Variants in CPQ observed in about 807,000 individuals in gnomAD.
CPQ encodes Ser-Met dipeptidase.
CPQ carries 37 observed loss-of-function variants against 45.7 expected under a neutral mutation model. The ratio of observed to expected loss-of-function variants is 0.81; its 90% CI spans 0.62 to 1.07. The LOEUF (loss-of-function observed/expected upper bound fraction) is 1.07, where lower values mean the gene tolerates loss of function less well. CPQ is among the 50% of genes least tolerant of loss of function. CPQ has a pLI of 0.00. For missense variants in CPQ, 537 were observed against 572.9 expected, an observed-to-expected ratio of 0.94 and a Z score of 0.64; for synonymous variants, 186 against 205.8, an observed-to-expected ratio of 0.90 and a Z score of 0.82.
At chr8:96,914,686 C>T (rs974896026) in intron 4 of CPQ, among the ~76,000 whole-genome samples, 3 of 152,006 alleles carry the variant, frequency 2.0e-5, no homozygotes, top group African/African-American at 7.3e-5. Context: ...GGACTTTGTT[C>T]GGAATTCCAC....
intron 7 of CPQ, among the ~76,000 whole-genome samples, chr8:97,125,867 T>C (rs984133932): frequency 6.6e-6 from 1 of 152,174 alleles, no homozygotes; most frequent in African/African-American, 2.4e-5. Context: ...TACCAACTAG[T>C]ATAATTAGAC....
chr8:96,759,615 T>C (rs1174980408), intron 1 of CPQ, among the ~76,000 whole-genome samples: 1 of 152,176 alleles, frequency 6.6e-6, no homozygotes, highest in East Asian at 1.9e-4. Context: ...TATTTGATAC[T>C]CCCAACAACA....
At chr8:97,102,687 A>C (rs1811334342) in intron 7 of CPQ, among the ~76,000 whole-genome samples, 1 of 152,084 alleles carries the variant, frequency 6.6e-6, no homozygotes, top group South Asian at 2.1e-4. Flanking sequence ...AAACAGTGTC[A>C]CTGAGGGAAT....
rs71267281 is a variant in CPQ, at chr8:96,787,525, C to CTTTTTTTTTTTTTTTTTTTTTTTTT, written c.433+2201_433+2225dup. On this transcript the variant is annotated intron_variant, in intron 2 of 7. Coordinates refer to ENST00000220763, the MANE Select transcript of CPQ (RefSeq NM_016134.4). ...TTGTAGTTTCATTTTCTTATAATGT[C>CTTTTTTTTTTTTTTTTTTTTTTTTT]TTTTTTTTTTTTTTTTTTTTTTTTT... 3.1e-3 allele frequency among the ~76,000 whole-genome samples: 149 copies of CTTTTTTTTTTTTTTTTTTTTTTTTT among 47,588 alleles called. 52 individuals carry two copies. Among genetic ancestry groups the CTTTTTTTTTTTTTTTTTTTTTTTTT allele is most frequent in the East Asian group, 0.017 (15 of 894 alleles). The allele number at this position is 47,588 out of a possible 152,430, so 31.2% of individuals were successfully genotyped here. A position where few individuals can be genotyped will look rare whatever the true frequency, so the allele number is the denominator to read the frequency against.
chr8:96,682,170 G>A (rs931244552), intron 1 of CPQ, among the ~76,000 whole-genome samples: 10 of 152,226 alleles, frequency 6.6e-5, no homozygotes, highest in South Asian at 2.1e-4. Context: ...AGGGGCCAGG[G>A]CAGAATGATA....
At chr8:97,016,483 T>TAAAC (rs1224933059) in intron 5 of CPQ, among the ~76,000 whole-genome samples, 1 of 152,190 alleles carries the variant, frequency 6.6e-6, no homozygotes, top group Non-Finnish European at 1.5e-5. Flanking sequence ...GTCAATCAAA[T>TAAAC]AAACAAACAT....
At chr8:97,133,219 C>T (rs934805134) in intron 7 of CPQ, 1 of 152,128 alleles carries the variant, frequency 6.6e-6, no homozygotes, top group African/African-American at 2.4e-5. Context: ...TATTTATGCA[C>T]ATGTAAATAC....
chr8:96,906,969 G>A (rs1262285916), intron 4 of CPQ, among the ~76,000 whole-genome samples: 2 of 152,210 alleles, frequency 1.3e-5, no homozygotes, highest in African/African-American at 4.8e-5. Context: ...CCAAAGTAAT[G>A]TAGGAGGAGC....
intron 3 of CPQ, among the ~76,000 whole-genome samples, chr8:96,847,266 A>G (rs548042929): frequency 7.5e-4 from 114 of 152,352 alleles, no homozygotes; most frequent in Non-Finnish European, 8.8e-4. Context: ...AGATTTTAAC[A>G]TCCGTTGATG....
intron 4 of CPQ, among the ~76,000 whole-genome samples, chr8:96,928,579 C>T (rs1812923632): frequency 6.6e-6 from 1 of 152,044 alleles, no homozygotes; most frequent in Non-Finnish European, 1.5e-5. Context: ...GCATGCTAAG[C>T]AGGCAAACAC....
chr8:96,762,799 A>G (rs1349146586), intron 1 of CPQ, among the ~76,000 whole-genome samples: 3 of 152,254 alleles, frequency 2.0e-5, no homozygotes, highest in South Asian at 2.1e-4. Context: ...CAAGGTCACA[A>G]AGGTTTTCTT....
At chr8:96,791,919 G>A (rs1027327612) in intron 2 of CPQ, among the ~76,000 whole-genome samples, 1 of 152,074 alleles carries the variant, frequency 6.6e-6, no homozygotes, top group Non-Finnish European at 1.5e-5. Context: ...GATTGGAAAG[G>A]GTAATTTTTA....
At chr8:96,852,560 C>T (rs1811785745) in intron 3 of CPQ, among the ~76,000 whole-genome samples, 2 of 152,178 alleles carry the variant, frequency 1.3e-5, no homozygotes, top group Admixed American at 6.5e-5. Context: ...CTCTTCCTTG[C>T]TCCTGCTTAT....
intron 1 of CPQ, among the ~76,000 whole-genome samples, chr8:96,769,162 C>T (rs775863260): frequency 2.0e-5 from 3 of 152,102 alleles, no homozygotes; most frequent in Admixed American, 6.6e-5. Flanking sequence ...ATTGCCAGAT[C>T]GAAGACAAAT....
chr8:96,983,171 T>C (rs1389655825), intron 5 of CPQ, among the ~76,000 whole-genome samples: 8 of 152,242 alleles, frequency 5.3e-5, no homozygotes, highest in Non-Finnish European at 1.0e-4. Flanking sequence ...ATATAGTTTT[T>C]GTGATTTTGA....
chr8:96,703,014 A>G (rs1285287276), intron 1 of CPQ, among the ~76,000 whole-genome samples: 1 of 152,198 alleles, frequency 6.6e-6, no homozygotes, highest in African/African-American at 2.4e-5. Context: ...TTGTGAGTAC[A>G]ATGTTAATGA....
chr8:96,683,838 T>A (rs1809187068), intron 1 of CPQ, among the ~76,000 whole-genome samples: 1 of 152,028 alleles, frequency 6.6e-6, no homozygotes, highest in African/African-American at 2.4e-5. Context: ...TAGAAGCTCT[T>A]GATTGTATTT....
At chr8:96,775,785 G>A (rs553777293) in intron 1 of CPQ, among the ~76,000 whole-genome samples, 5 of 152,238 alleles carry the variant, frequency 3.3e-5, no homozygotes, top group South Asian at 2.1e-4. Flanking sequence ...TAGTGTCCCC[G>A]GCCTCTGCCA....
chr8:96,758,466 A>G (rs1404638360), intron 1 of CPQ, among the ~76,000 whole-genome samples: 1 of 152,238 alleles, frequency 6.6e-6, no homozygotes, highest in Non-Finnish European at 1.5e-5. Context: ...CTGATGATAC[A>G]TTAAATGGAA....
Sources: allele counts gnomAD v4.1 joint callset (sites outside exome capture counted in the v4.1 genomes callset), GRCh38; gene constraint gnomAD v4.1.1; transcripts MANE v1.5; gene names NCBI Gene and HGNC (gene_info 2026-07-23, HGNC 2026-07-21).